The following POMGNT1 variants were observed in gnomAD, a reference collection of about 807,000 sequenced individuals.
POMGNT1 encodes the protein protein O-linked mannose N-acetylglucosaminyltransferase 1 (beta 1,2-), also known as protein O-linked-mannose beta-1,2-N-acetylglucosaminyltransferase 1.
Under a neutral mutation model 95.6 loss-of-function variants are expected in POMGNT1, and 67 were observed. The ratio of observed to expected loss-of-function variants is 0.70; its 90% CI spans 0.58 to 0.86. The LOEUF (loss-of-function observed/expected upper bound fraction) is 0.86. Among genes scored for constraint, POMGNT1 ranks in the 40% least tolerant of loss-of-function variants. POMGNT1 has a pLI of 0.00. For missense variants in POMGNT1, 719 were observed against 855.2 expected (o/e 0.84, Z 1.99); for synonymous variants, 298 against 317.9 (o/e 0.94, Z 0.66).
At position 46,220,211 on chromosome 1, in the gene POMGNT1, C is replaced by T. The variant is rs767944407; in HGVS notation, c.-557G>A. 21 of 1,605,296 alleles carry T rather than the reference C, an allele frequency of 1.3e-5. No homozygotes were observed. In the African/African-American group the frequency reaches 2.3e-4, roughly 17 times the overall value. ...GGGAGCAGTGCCAGGATGATGTGAC[C>T]TTCTTGTAACAACTATTCCACCCTT... On this transcript the variant is annotated 5_prime_UTR_variant, in exon 1 of 23. Coordinates refer to the POMGNT1 transcript ENST00000371992.
rs565334918 is a variant in POMGNT1 at position 46,192,516 on chromosome 1, A to C, written c.1284+2T>G. ...TGCTAAACCCTGGTCATTCCAGCCT[A>C]CCTGGTCATTCCAGGCAGAGATGCA... On this transcript the variant is annotated splice_donor_variant, in intron 15 of 21. Transcript: ENST00000371984. LOFTEE classifies it high-confidence loss of function. 6.2e-7 allele frequency: 1 copy of C among 1,614,068 alleles called. No homozygotes were observed. The highest frequency in any genetic ancestry group is 1.1e-5 in the South Asian group (1 of 91,076).
At chr1:46,199,912 G>A (rs1393956025), upstream of POMGNT1, among the ~76,000 whole-genome samples, 3 of 152,128 alleles carry the variant, frequency 2.0e-5, no homozygotes, top group African/African-American at 4.8e-5. Context: ...CATGACTCAC[G>A]TAATCCCAGC....
rs111362838 is a variant in POMGNT1 at position 46,213,859 on chromosome 1, GA to G, written c.-51+5845del. Reference sequence around the variant, plus strand: ...AATATGGGGAATATGATTAACTCAAGAAAAAAAAAAAAGATACAGACTTTAG... The same window carrying G: ...AATATGGGGAATATGATTAACTCAAGAAAAAAAAAAAGATACAGACTTTAG... On this transcript the variant is annotated intron_variant, in intron 1 of 22. Transcript: ENST00000371992. 2.4e-3 allele frequency among the ~76,000 whole-genome samples: 331 copies of G among 140,714 alleles called. 1 individual carries two copies. Among genetic ancestry groups the G allele is most frequent in the East Asian group, 4.5e-3 (22 of 4,914 alleles). The allele number at this position is 140,714 out of a possible 152,430, so 92.3% of individuals were successfully genotyped here.
chr1:46,190,088 C>T, intron 19 of POMGNT1, 99 bp from the exon 20 acceptor site: 1 of 1,191,956 alleles, frequency 8.4e-7, no homozygotes, highest in South Asian at 1.5e-5. Flanking sequence ...CTGTTGCCAC[C>T]TTGAAGTTCT....
intron 6 of POMGNT1, 121 bp from the exon 7 acceptor site, chr1:46,195,082 CCTCT>C: frequency 1.2e-6 from 1 of 864,472 alleles, no homozygotes; most frequent in Non-Finnish European, 2.0e-6. Context: ...TTGCAATAAC[CCTCT>C]ATGGTTACTC....
At chr1:46,197,329 A>G (rs1468973492) in intron 2 of POMGNT1, 5 of 1,482,378 alleles carry the variant, frequency 3.4e-6, no homozygotes, top group East Asian at 5.4e-5. Context: ...GTATTCTTCT[A>G]TTTGAGACCT....
At chr1:46,202,436 T>TA (rs1479551944), upstream of POMGNT1, among the ~76,000 whole-genome samples, 2 of 152,072 alleles carry the variant, frequency 1.3e-5, no homozygotes, top group Non-Finnish European at 1.5e-5. Context: ...CTCACACCTG[T>TA]AATCCCAGCA....
In POMGNT1 at chr1:46,208,217, T is replaced by G. The variant is rs140748248; in HGVS notation, c.-50-10346A>C. Among the ~76,000 whole-genome samples, 362 of 152,206 alleles carry G rather than the reference T, an allele frequency of 2.4e-3. 2 individuals carry two copies. Among genetic ancestry groups the G allele is most frequent in the African/African-American group, 8.1e-3 (337 of 41,528 alleles). ...TATGTTGCCCAGGCCAGTCTCAAACTCCTGGCCTCAAGCAGTCCGTTTGTG... is the reference window on the plus strand; with the variant it reads ...TATGTTGCCCAGGCCAGTCTCAAACGCCTGGCCTCAAGCAGTCCGTTTGTG... On this transcript the variant is annotated intron_variant, in intron 1 of 22. Transcript: ENST00000371992.
chr1:46,220,076 A>T, exon 1 of POMGNT1: 2 of 1,614,238 alleles, frequency 1.2e-6, no homozygotes, highest in Non-Finnish European at 1.7e-6. Context: ...CCACCAGGCT[A>T]GGGAGCTTGA....
In POMGNT1 at chr1:46,196,989, T is replaced by A; in HGVS notation, c.216A>T (p.Pro72=). The A allele has an allele frequency of 6.2e-7, 1 of 1,614,256 alleles. No homozygotes were observed. The highest frequency in any genetic ancestry group is 1.1e-5 in the South Asian group (1 of 91,092). The change falls in exon 3 of 22, where the codon CCA becomes CCT. Residue 72 remains proline, a synonymous_variant. Coordinates refer to ENST00000371984, the MANE Select transcript of POMGNT1 (RefSeq NM_017739.4). This position sits in a 1 kb window ranked among gnomAD's most constrained non-coding sequence, Gnocchi z 4.4. ...CCCTACCATAGTCTTGCTCTGGCTC[T>A]GGGTCTTCATTGGCTTCACTGATGG... ...RRAISEANED[P]EPEQDYDEAL...
intron 6 of POMGNT1, 106 bp from the exon 7 acceptor site, chr1:46,195,067 C>T: frequency 2.1e-6 from 2 of 970,862 alleles, no homozygotes; most frequent in Non-Finnish European, 3.4e-6. Flanking sequence ...TAGCTCATTA[C>T]ATTATTGCAA....
chr1:46,189,621 G>T (rs931610366), intron 20 of POMGNT1, 54 bp from the exon 21 acceptor site: 20 of 1,573,946 alleles, frequency 1.3e-5, no homozygotes, highest in Non-Finnish European at 1.7e-5. Context: ...GTAGGGAGGG[G>T]TCACTGACGA....
At position 46,188,874 on chromosome 1, in the gene POMGNT1, C is replaced by G; in HGVS notation, c.*396G>C. On this transcript the variant is annotated 3_prime_UTR_variant, in exon 22 of 22. Transcript: ENST00000371984. ...GTTTCCTGAGTAAGAGCCAGCCCCA[C>G]CCTCAGGGCAGCATTCCAGCCCAAA... is the stretch of plus-strand genomic sequence containing the variant. 6.2e-7 allele frequency: 1 copy of G among 1,612,856 alleles called. No homozygotes were observed. The highest frequency in any genetic ancestry group is 8.5e-7 in the Non-Finnish European group (1 of 1,179,884).
upstream of POMGNT1, among the ~76,000 whole-genome samples, chr1:46,202,925 GT>G (rs1658589493): frequency 8.2e-6 from 1 of 121,686 alleles, no homozygotes; most frequent in Non-Finnish European, 1.8e-5. Flanking sequence ...GGGGTGGTGT[GT>G]GTGTGTGTGT....
At chr1:46,209,635 C>T (rs1213891571) in intron 1 of POMGNT1, among the ~76,000 whole-genome samples, 1 of 150,678 alleles carries the variant, frequency 6.6e-6, no homozygotes, top group Non-Finnish European at 1.5e-5. Flanking sequence ...GCCTCAGCCT[C>T]CCGAGTAGCT....
chr1:46,203,390 C>T (rs767300672), upstream of POMGNT1: 2 of 1,431,808 alleles, frequency 1.4e-6, no homozygotes, highest in Non-Finnish European at 1.8e-6. Flanking sequence ...CGGTCCCCGG[C>T]GTCCGGTCGC....
At position 46,189,546 on chromosome 1, in the gene POMGNT1, C is replaced by T; in HGVS notation, c.1807G>A (p.Asp603Asn). 1 of 1,612,496 alleles carries T rather than the reference C, an allele frequency of 6.2e-7. No homozygotes were observed. Residue 603 changes from aspartate (D) to asparagine (N), a missense_variant, in exon 21 of 22, where the codon GAT becomes AAT. Coordinates refer to ENST00000371984, the MANE Select transcript of POMGNT1 (RefSeq NM_017739.4). ...LAKCLHIWDL[D>N]VRGNHRGLWR... ...AGGCCCCGATGGTTGCCACGCACAT[C>T]CAGGTCCCAGATATGGAGGCACTAG...
At chr1:46,218,306 A>T (rs1659126439) in intron 1 of POMGNT1, among the ~76,000 whole-genome samples, 1 of 152,252 alleles carries the variant, frequency 6.6e-6, no homozygotes, top group African/African-American at 2.4e-5. Context: ...GAATCGCTTG[A>T]GACCAGGAGA....
At position 46,216,208 on chromosome 1, in the gene POMGNT1, A is replaced by G. The variant is rs868851413; in HGVS notation, c.-51+3497T>C. On this transcript the variant is annotated intron_variant, in intron 1 of 22. Coordinates refer to the POMGNT1 transcript ENST00000371992. Reference sequence around the variant, plus strand: ...ACTACAGGCGCCCGCCACCTCGCCCAGCTAATTTTTTGTATTTTTAGTAGA... The same window carrying G: ...ACTACAGGCGCCCGCCACCTCGCCCGGCTAATTTTTTGTATTTTTAGTAGA... Among the ~76,000 whole-genome samples the G allele has an allele frequency of 3.4e-4, 51 of 151,564 alleles. 1 individual carries two copies. In the Middle Eastern group the frequency reaches 0.034, roughly 101 times the overall value.
Sources: allele counts gnomAD v4.1 joint callset (sites outside exome capture counted in the v4.1 genomes callset), GRCh38; gene constraint gnomAD v4.1.1; non-coding constraint Gnocchi (gnomAD v3.1); transcripts MANE v1.5; gene names NCBI Gene and HGNC (gene_info 2026-07-23, HGNC 2026-07-21).